The following CENPP variants were observed in gnomAD, a reference collection of about 807,000 sequenced individuals.
CENPP encodes centromere protein P.
CENPP carries 24 observed loss-of-function variants against 35.6 expected under a neutral mutation model. That is an observed-to-expected ratio of 0.67 (90% confidence interval 0.49 to 0.95). CENPP has a LOEUF of 0.95. Ranked by LOEUF, CENPP falls within the 40% of genes least tolerant of loss-of-function variation. The probability of loss-of-function intolerance (pLI) is 0.00; values close to 1 mark genes in which losing one functional copy is unlikely to be tolerated. For missense variants in CENPP, 332 were observed against 345.3 expected, an observed-to-expected ratio of 0.96 and a Z score of 0.31; for synonymous variants, 120 against 125.5, an observed-to-expected ratio of 0.96 and a Z score of 0.29.
intron 5 of CENPP, among the ~76,000 whole-genome samples, chr9:92,560,619 A>G (rs1365777690): frequency 6.6e-6 from 1 of 152,176 alleles, no homozygotes; most frequent in Non-Finnish European, 1.5e-5. Context: ...TTAAGCATCC[A>G]TCAGCCAAAA....
At chr9:92,465,102 C>T (rs533603643) in intron 5 of CENPP, 1 of 1,010,990 alleles carries the variant, frequency 9.9e-7, no homozygotes, top group Middle Eastern at 2.1e-4. Context: ...CAGAGAGACA[C>T]ATCCCAAGAA....
At chr9:92,415,277 TG>T (rs1171991323) in intron 5 of CENPP, 6 of 1,613,804 alleles carry the variant, frequency 3.7e-6, no homozygotes, top group African/African-American at 2.7e-5. Flanking sequence ...GGAAATCTCC[TG>T]AAAACTTGTG....
chr9:92,352,976 A>G lies in CENPP; in HGVS notation c.467+7189A>G, dbSNP rs1841502499. ...ACCCATACACATCTCCTAAGATCAT[A>G]CATAATCTTCAAATAAAGACAATAA... On this transcript the variant is annotated intron_variant, in intron 4 of 7. Transcript: ENST00000375587. Among the ~76,000 whole-genome samples, 3 of 152,156 alleles carry G rather than the reference A, an allele frequency of 2.0e-5. 1 individual carries two copies. The highest frequency in any genetic ancestry group is 2.0e-4 in the Admixed American group (3 of 15,266).
intron 5 of CENPP, among the ~76,000 whole-genome samples, chr9:92,521,544 C>T (rs924501756): frequency 6.6e-6 from 1 of 151,998 alleles, no homozygotes; most frequent in African/African-American, 2.4e-5. Context: ...AAATACTGGC[C>T]ACAGAACATT....
At chr9:92,352,493 G>GACA (rs1841476454) in intron 4 of CENPP, among the ~76,000 whole-genome samples, 1 of 88,790 alleles carries the variant, frequency 1.1e-5, no homozygotes, top group African/African-American at 7.4e-5. Context: ...GTGTGTGTGT[G>GACA]TGTGTGTGTG....
intron 5 of CENPP, among the ~76,000 whole-genome samples, chr9:92,552,011 TATG>T (rs1165933158): frequency 2.0e-5 from 3 of 146,374 alleles, no homozygotes; most frequent in East Asian, 2.0e-4. Context: ...TGTGTATATA[TATG>T]ATATGATAGA....
intron 5 of CENPP, among the ~76,000 whole-genome samples, chr9:92,536,376 A>G (rs982736329): frequency 6.6e-6 from 1 of 152,170 alleles, no homozygotes; most frequent in African/African-American, 2.4e-5. Context: ...GATTATAGGG[A>G]TGATATTCTC....
chr9:92,384,001 TTATA>T (rs1466627795), intron 5 of CENPP: 1 of 152,204 alleles, frequency 6.6e-6, no homozygotes, highest in African/African-American at 2.4e-5. Flanking sequence ...GCAATATTTA[TTATA>T]TATTCAATTC....
intron 5 of CENPP, among the ~76,000 whole-genome samples, chr9:92,565,391 G>A: frequency 6.7e-6 from 1 of 150,284 alleles, no homozygotes; most frequent in Non-Finnish European, 1.5e-5. Context: ...TGGGCTGCAT[G>A]CAGCCCACAG....
chr9:92,527,181 A>G (rs1848467139), intron 5 of CENPP, among the ~76,000 whole-genome samples: 1 of 151,840 alleles, frequency 6.6e-6, no homozygotes, highest in Non-Finnish European at 1.5e-5. Flanking sequence ...GCTGATTTTT[A>G]TATTTTTTTT....
chr9:92,393,032 T>C, intron 5 of CENPP: 1 of 1,442,592 alleles, frequency 6.9e-7, no homozygotes, highest in Admixed American at 1.9e-5. Context: ...TGTGTTTATA[T>C]GAGTTAAATA....
chr9:92,588,740 C>T (rs765602525), intron 5 of CENPP, among the ~76,000 whole-genome samples: 4 of 152,046 alleles, frequency 2.6e-5, no homozygotes, highest in Non-Finnish European at 5.9e-5. Flanking sequence ...ATCAACAAAA[C>T]GCAGACAATA....
At chr9:92,553,872 T>C (rs1000211983) in intron 5 of CENPP, among the ~76,000 whole-genome samples, 1 of 152,180 alleles carries the variant, frequency 6.6e-6, no homozygotes, top group South Asian at 2.1e-4. Flanking sequence ...CAGTGACAGT[T>C]TGACTTTCTC....
At chr9:92,549,658 AC>A (rs35817345) in intron 5 of CENPP, among the ~76,000 whole-genome samples, 49,610 of 142,868 alleles carry the variant, frequency 0.35, 10,446 homozygotes, top group African/African-American at 0.62. Flanking sequence ...AAAAAAAAAA[AC>A]AAAACAAAAC....
intron 5 of CENPP, among the ~76,000 whole-genome samples, chr9:92,485,193 A>T (rs999353687): frequency 1.3e-5 from 2 of 152,146 alleles, no homozygotes; most frequent in Non-Finnish European, 2.9e-5. Flanking sequence ...GAAACAGTGT[A>T]CCTCTTCTTC....
intron 5 of CENPP, among the ~76,000 whole-genome samples, chr9:92,421,335 C>T (rs931329625): frequency 5.3e-5 from 8 of 152,174 alleles, no homozygotes; most frequent in Non-Finnish European, 7.3e-5. Flanking sequence ...CCACCACCCC[C>T]GGCCTTGGAG....
intron 4 of CENPP, among the ~76,000 whole-genome samples, chr9:92,361,310 T>G (rs1471069897): frequency 1.3e-5 from 2 of 151,358 alleles, no homozygotes; most frequent in Non-Finnish European, 2.9e-5. Context: ...CTGGCTAATT[T>G]TTGTATTGTT....
At chr9:92,564,141 C>T (rs1849908509) in intron 5 of CENPP, among the ~76,000 whole-genome samples, 1 of 152,138 alleles carries the variant, frequency 6.6e-6, no homozygotes, top group South Asian at 2.1e-4. Context: ...AATCCCAGCA[C>T]TTTGGGAGGC....
chr9:92,459,628 T>C (rs1165828973), intron 5 of CENPP: 1 of 1,611,738 alleles, frequency 6.2e-7, no homozygotes, highest in East Asian at 2.2e-5. Flanking sequence ...GTAGAATGTT[T>C]TACCTGGAGG....
Sources: gnomAD v4.1 joint callset for allele counts (sites outside exome capture counted in the v4.1 genomes callset) on GRCh38, gnomAD v4.1.1 for gene constraint, MANE v1.5 for transcripts, NCBI Gene and HGNC (gene_info 2026-07-23, HGNC 2026-07-21) for gene names.